PIK3CB: variants seen among roughly 807,000 people sequenced by gnomAD.
PIK3CB encodes the protein phosphatidylinositol-4,5-bisphosphate 3-kinase catalytic subunit beta, also known as phosphatidylinositol 4,5-bisphosphate 3-kinase catalytic subunit beta isoform.
A neutral mutation model predicts 136.8 loss-of-function variants in PIK3CB; 39 were observed. The ratio of observed to expected loss-of-function variants is 0.29; its 90% CI spans 0.22 to 0.37. The LOEUF is 0.37. Among genes scored for constraint, PIK3CB ranks in the 10% least tolerant of loss-of-function variants. The pLI is 1.00. For missense variants in PIK3CB, 868 were observed against 1,275.4 expected (o/e 0.68, Z 4.87); for synonymous variants, 428 against 436.6 (o/e 0.98, Z 0.25).
chr3:138,825,728 T>C, intron 1 of PIK3CB: 3 of 685,332 alleles, frequency 4.4e-6, no homozygotes, highest in Non-Finnish European at 8.0e-6. Context: ...ATTGGTACTG[T>C]GCCTATAGGC....
chr3:138,824,521 G>A (rs977133863), intron 1 of PIK3CB, among the ~76,000 whole-genome samples: 4 of 152,024 alleles, frequency 2.6e-5, no homozygotes, highest in Non-Finnish European at 5.9e-5. Context: ...ATGGCCGGGC[G>A]CGGTGGCTCA....
At chr3:138,726,770 G>A (rs1022871681) in intron 8 of PIK3CB, among the ~76,000 whole-genome samples, 5 of 151,998 alleles carry the variant, frequency 3.3e-5, no homozygotes, top group Admixed American at 6.6e-5. Context: ...AGCCAGGCTC[G>A]GTGGCTCATG....
rs377139926 is a variant in PIK3CB, at chr3:138,742,780, A to T, written c.399T>A (p.Gly133=). The change falls in exon 5 of 24, where the codon GGT becomes GGA. Residue 133 remains glycine, a splice_region_variant and synonymous_variant. Coordinates refer to ENST00000674063, the MANE Select transcript of PIK3CB (RefSeq NM_006219.3). ...CCTTCAAGGAATCAAATTCATGCAG[A>T]CCTAAACACATTTTTTAAAGGTGTC... ...DSKIGVLIGK[G]LHEFDSLKDP... The T allele has an allele frequency of 2.6e-6, 4 of 1,550,294 alleles. No individual in the cohort carries two copies. The highest frequency in any genetic ancestry group is 3.5e-6 in the Non-Finnish European group (4 of 1,134,100).
intron 1 of PIK3CB, among the ~76,000 whole-genome samples, chr3:138,826,596 T>A: frequency 7.0e-6 from 1 of 142,208 alleles, no homozygotes; most frequent in South Asian, 2.2e-4. Context: ...CAAAAATCGG[T>A]CACAGAATTT....
intron 2 of PIK3CB, among the ~76,000 whole-genome samples, chr3:138,792,773 T>G (rs1201272333): frequency 6.6e-6 from 1 of 152,094 alleles, no homozygotes; most frequent in African/African-American, 2.4e-5. Flanking sequence ...TCTTTTCTCC[T>G]TCTCTTTCTC....
chr3:138,814,033 C>A (rs1392537234), intron 1 of PIK3CB, among the ~76,000 whole-genome samples: 1 of 152,140 alleles, frequency 6.6e-6, no homozygotes, highest in African/African-American at 2.4e-5. Context: ...AACAGCTCTA[C>A]ATGAATCAAC....
At chr3:138,714,409 AAC>A (rs1471510227) in intron 9 of PIK3CB, 57 bp downstream of exon 9, 28 of 1,175,844 alleles carry the variant, frequency 2.4e-5, no homozygotes, top group South Asian at 4.7e-5. Context: ...AATTATTTCA[AAC>A]AGTCTTAAAA....
intron 1 of PIK3CB, among the ~76,000 whole-genome samples, chr3:138,803,204 A>T (rs1030990588): frequency 2.0e-5 from 3 of 152,184 alleles, no homozygotes; most frequent in Non-Finnish European, 4.4e-5. Context: ...GCAGACAATT[A>T]AACCACTGTT....
intron 2 of PIK3CB, among the ~76,000 whole-genome samples, chr3:138,768,488 C>T (rs1307515806): frequency 3.9e-5 from 6 of 152,194 alleles, no homozygotes; most frequent in South Asian, 4.1e-4. Flanking sequence ...TGGGCAGGCC[C>T]GGAAAAGGCA....
At chr3:138,817,323 C>G (rs1363668459) in intron 1 of PIK3CB, among the ~76,000 whole-genome samples, 1 of 151,054 alleles carries the variant, frequency 6.6e-6, no homozygotes, top group African/African-American at 2.4e-5. Context: ...TGGGCGACAG[C>G]GAGACTCCAT....
chr3:138,656,609 A>G (rs2043196355), intron 22 of PIK3CB, among the ~76,000 whole-genome samples: 1 of 152,146 alleles, frequency 6.6e-6, no homozygotes, highest in South Asian at 2.1e-4. Context: ...TATAATTATA[A>G]TCCACAAGGA....
intron 4 of PIK3CB, among the ~76,000 whole-genome samples, chr3:138,747,093 T>C (rs1398624134): frequency 3.8e-4 from 30 of 78,094 alleles, no homozygotes; most frequent in African/African-American, 1.5e-3. Flanking sequence ...TATATATATA[T>C]ATATATATAT....
chr3:138,778,608 C>T (rs1418120988), intron 2 of PIK3CB: 6 of 210,376 alleles, frequency 2.9e-5, no homozygotes, highest in Admixed American at 5.7e-5. Flanking sequence ...GTGAAGCAGG[C>T]GTGGGAGGAC....
chr3:138,716,726 T>A (rs2044613094), intron 8 of PIK3CB, among the ~76,000 whole-genome samples: 1 of 150,778 alleles, frequency 6.6e-6, no homozygotes, highest in African/African-American at 2.4e-5. Context: ...TGGAACACCA[T>A]CTCTACTAAA....
At chr3:138,784,961 C>G (rs1313973861) in intron 2 of PIK3CB, among the ~76,000 whole-genome samples, 2 of 151,944 alleles carry the variant, frequency 1.3e-5, no homozygotes, top group Non-Finnish European at 2.9e-5. Context: ...CTCTGCCCGG[C>G]CACCCCGTCT....
At chr3:138,830,129 T>A (rs1373004419) in intron 1 of PIK3CB, among the ~76,000 whole-genome samples, 1 of 152,018 alleles carries the variant, frequency 6.6e-6, no homozygotes, top group Non-Finnish European at 1.5e-5. Context: ...GAAGGAAAAG[T>A]CAAAGAGAGT....
chr3:138,787,701 G>A lies in PIK3CB; in HGVS notation c.-17+8762C>T, dbSNP rs537144373. Among the ~76,000 whole-genome samples the A allele has an allele frequency of 1.5e-4, 23 of 149,398 alleles. 2 individuals are homozygous for A. The South Asian group carries it at 4.9e-3, about 32-fold the overall frequency. On this transcript the variant is annotated intron_variant, in intron 2 of 23. Transcript: ENST00000674063. ...CAGCTCCTTGTAAAATTTCCAAACA[G>A]GAGGTTAACAAATGTATTCTTTTTT...
intron 8 of PIK3CB, among the ~76,000 whole-genome samples, chr3:138,727,159 G>A (rs1482840950): frequency 1.3e-5 from 2 of 152,170 alleles, no homozygotes; most frequent in Non-Finnish European, 2.9e-5. Flanking sequence ...ATGTTCAAGT[G>A]CCAGGGAGGC....
In PIK3CB at chr3:138,737,805, G is replaced by A. The variant is rs1192925569; in HGVS notation, c.703C>T (p.His235Tyr). The change falls in exon 6 of 24, where the codon CAT becomes TAT. Residue 235 changes from histidine to tyrosine, a missense_variant. Physicochemically the swap from His to Tyr is moderately conservative, Grantham distance 83. This residue lies in a region of PIK3CB where 612 missense variants were observed against 801.1 expected (regional missense o/e 0.76). Coordinates refer to ENST00000674063, the MANE Select transcript of PIK3CB (RefSeq NM_006219.3). ...GGGCTAACTTCATCTTCCTTCCCAT[G>A]AATAGTCAAACGTTTTTGGATTGCC... The part of the protein sequence containing the change: ...ELAIQKRLTI[H>Y]GKEDEVSPYD... 1 of 1,610,520 alleles carries A rather than the reference G, an allele frequency of 6.2e-7. No individual in the cohort carries two copies. Among genetic ancestry groups the A allele is most frequent in the South Asian group, 1.1e-5 (1 of 90,782 alleles).
Sources: gnomAD v4.1 joint callset for allele counts (sites outside exome capture counted in the v4.1 genomes callset) on GRCh38, gnomAD v4.1.1 for gene constraint, gnomAD v4.1.1 regional missense constraint, MANE v1.5 for transcripts, NCBI Gene and HGNC (gene_info 2026-07-23, HGNC 2026-07-21) for gene names.